The following EPHA6 variants were observed in gnomAD, a reference collection of about 807,000 sequenced individuals.
The protein encoded by EPHA6 is EPH receptor A6.
Under a neutral mutation model 112.0 loss-of-function variants are expected in EPHA6, and 50 were observed. The ratio of observed to expected loss-of-function variants is 0.45; its 90% CI spans 0.36 to 0.56. The LOEUF is 0.56. Among genes scored for constraint, EPHA6 ranks in the 20% least tolerant of loss-of-function variants. The pLI is 0.00. For missense variants in EPHA6, 1,280 were observed against 1,417.4 expected (o/e 0.90, Z 1.56); for synonymous variants, 529 against 490.7 (o/e 1.08, Z -1.03).
At chr3:97,334,582 C>T (rs1211294359) in intron 5 of EPHA6, among the ~76,000 whole-genome samples, 5 of 150,274 alleles carry the variant, frequency 3.3e-5, no homozygotes, top group Admixed American at 1.3e-4. Context: ...CGTGCTCAAG[C>T]AGTTCTCTCA....
At chr3:96,951,314 GT>G (rs1455531920) in intron 2 of EPHA6, among the ~76,000 whole-genome samples, 2 of 151,950 alleles carry the variant, frequency 1.3e-5, no homozygotes, top group African/African-American at 4.8e-5. Context: ...CCTTTGTTAA[GT>G]TTTTTATTTT....
At chr3:97,711,230 G>A (rs948730293) in intron 14 of EPHA6, among the ~76,000 whole-genome samples, 5 of 152,102 alleles carry the variant, frequency 3.3e-5, no homozygotes, top group African/African-American at 4.8e-5. Context: ...ATCCATGTAA[G>A]ACGTAACTTG....
At chr3:97,172,857 G>A (rs1273065709) in intron 3 of EPHA6, among the ~76,000 whole-genome samples, 4 of 151,938 alleles carry the variant, frequency 2.6e-5, no homozygotes, top group African/African-American at 9.7e-5. Flanking sequence ...CAACCAAACT[G>A]TTGTAGTTTT....
intron 12 of EPHA6, among the ~76,000 whole-genome samples, chr3:97,602,586 G>A (rs1200996826): frequency 6.6e-6 from 1 of 152,028 alleles, no homozygotes; most frequent in Non-Finnish European, 1.5e-5. Context: ...GTGTCCTTAG[G>A]CAAGTTGCTT....
At position 97,752,880 on chromosome 3, in the gene EPHA6, T is replaced by C. The variant is rs560090296; in HGVS notation, c.*4179T>C. On this transcript the variant is annotated 3_prime_UTR_variant, in exon 18 of 18. Transcript: ENST00000389672. ...CTATATATCAAAGAGATTTGAAGCA[T>C]ATGTATCACTTCTTTTAGTATGAGC... 6.6e-6 allele frequency among the ~76,000 whole-genome samples: 1 copy of C among 152,232 alleles called. No individual in the cohort carries two copies. The highest frequency in any genetic ancestry group is 2.1e-4 in the South Asian group (1 of 4,832).
chr3:97,640,987 T>C (rs1035386072), intron 14 of EPHA6, among the ~76,000 whole-genome samples: 13 of 152,154 alleles, frequency 8.5e-5, no homozygotes, highest in African/African-American at 3.1e-4. Flanking sequence ...ATGTTCATTA[T>C]GATTCAATAA....
chr3:96,888,175 A>G (rs1455083954), intron 2 of EPHA6, among the ~76,000 whole-genome samples: 1 of 151,586 alleles, frequency 6.6e-6, no homozygotes, highest in Non-Finnish European at 1.5e-5. Flanking sequence ...GTGGAATTTT[A>G]CCCCCTGCTC....
intron 6 of EPHA6, among the ~76,000 whole-genome samples, chr3:97,438,303 G>A (rs2089961542): frequency 6.6e-6 from 1 of 152,088 alleles, no homozygotes; most frequent in Admixed American, 6.6e-5. Flanking sequence ...TTTCTGTATA[G>A]CATACTGTTT....
Position 97,755,176 on chromosome 3 carries a change from A to G in EPHA6, c.*6475A>G, listed in dbSNP as rs2035997525. ...CACAACTAATTCATTCCTCAGAATA[A>G]CAAAGGTATTAAAGAAAAATCACTT... On this transcript the variant is annotated 3_prime_UTR_variant, in exon 18 of 18. Coordinates refer to ENST00000389672, the MANE Select transcript of EPHA6 (RefSeq NM_001080448.3). 6.6e-6 allele frequency among the ~76,000 whole-genome samples: 1 copy of G among 152,236 alleles called. No individual in the cohort carries two copies. Among genetic ancestry groups the G allele is most frequent in the African/African-American group, 2.4e-5 (1 of 41,468 alleles).
chr3:97,582,192 G>C (rs895085717), intron 11 of EPHA6, among the ~76,000 whole-genome samples: 1 of 151,982 alleles, frequency 6.6e-6, no homozygotes, highest in Non-Finnish European at 1.5e-5. Context: ...ACCACACCCG[G>C]ATAATTTTGT....
chr3:96,975,957 C>A (rs1458055908), intron 2 of EPHA6, among the ~76,000 whole-genome samples: 1 of 151,976 alleles, frequency 6.6e-6, no homozygotes, highest in Non-Finnish European at 1.5e-5. Flanking sequence ...AAAAAGCATA[C>A]ATGTGATTGA....
At chr3:97,296,095 G>A (rs532714179) in intron 5 of EPHA6, among the ~76,000 whole-genome samples, 117 of 152,292 alleles carry the variant, frequency 7.7e-4, no homozygotes, top group Admixed American at 1.6e-3. Flanking sequence ...TGTGGCATGG[G>A]TGGTGGCAGT....
chr3:97,663,322 T>A (rs1402010436), intron 14 of EPHA6, among the ~76,000 whole-genome samples: 5 of 152,030 alleles, frequency 3.3e-5, no homozygotes, highest in African/African-American at 7.2e-5. Context: ...AGCCTTTTTT[T>A]TTCTTTTTTT....
At chr3:97,089,647 G>C (rs762484368) in intron 3 of EPHA6, among the ~76,000 whole-genome samples, 50 of 152,148 alleles carry the variant, frequency 3.3e-4, no homozygotes, top group Non-Finnish European at 5.9e-4. Flanking sequence ...TTCTCCTCTG[G>C]ATTTGTGTAT....
At chr3:97,504,222 G>T (rs2092190691) in intron 10 of EPHA6, among the ~76,000 whole-genome samples, 1 of 152,154 alleles carries the variant, frequency 6.6e-6, no homozygotes, top group Admixed American at 6.6e-5. Flanking sequence ...ATTGTGAAGT[G>T]TCAGGCTGGA....
At chr3:96,934,656 T>C (rs1473794810) in intron 2 of EPHA6, among the ~76,000 whole-genome samples, 1 of 151,336 alleles carries the variant, frequency 6.6e-6, no homozygotes, top group African/African-American at 2.4e-5. Flanking sequence ...AAAATTACTT[T>C]ATATTGTTTA....
chr3:97,541,727 GT>G (rs59024112), intron 11 of EPHA6, among the ~76,000 whole-genome samples: 6,134 of 131,818 alleles, frequency 0.047, 343 homozygotes, highest in African/African-American at 0.14. Context: ...TCTTTTTTTT[GT>G]TTTTTTTTTT....
chr3:97,461,839 ACT>A lies in EPHA6; in HGVS notation c.1894+13111_1894+13112del, dbSNP rs201292488. On this transcript the variant is annotated intron_variant, in intron 7 of 17. Coordinates refer to ENST00000389672, the MANE Select transcript of EPHA6 (RefSeq NM_001080448.3). ...TGGACAATTTGACTCAGCTGAAGAA[ACT>A]CCACGTTTTGACTTCTGAGATACCA... Among the ~76,000 whole-genome samples, 1,200 of 151,810 alleles carry A rather than the reference ACT, an allele frequency of 7.9e-3. 18 individuals are homozygous for A. Among genetic ancestry groups the A allele is most frequent in the African/African-American group, 0.028 (1,147 of 41,380 alleles).
At chr3:97,227,600 T>C (rs2078398816) in intron 4 of EPHA6, among the ~76,000 whole-genome samples, 2 of 152,156 alleles carry the variant, frequency 1.3e-5, no homozygotes, top group South Asian at 2.1e-4. Context: ...GACCAAGACA[T>C]GCACTTTGAG....
Sources: allele counts gnomAD v4.1 joint callset (sites outside exome capture counted in the v4.1 genomes callset), GRCh38; gene constraint gnomAD v4.1.1; transcripts MANE v1.5; gene names NCBI Gene and HGNC (gene_info 2026-07-23, HGNC 2026-07-21).